ZNF226: variants seen among roughly 807,000 people sequenced by gnomAD.
ZNF226 encodes Kruppel-associated box protein.
In ZNF226, 6 loss-of-function variants were observed where a neutral mutation model predicts 11.4. The ratio of observed to expected loss-of-function variants is 0.53; its 90% CI spans 0.29 to 1.04. ZNF226 has a LOEUF of 1.04. Ranked by LOEUF, ZNF226 falls within the 50% of genes least tolerant of loss-of-function variation. ZNF226 has a pLI of 0.08. For missense variants in ZNF226, 1,058 were observed against 956.5 expected (o/e 1.11, Z -1.40); for synonymous variants, 350 against 322.8 (o/e 1.08, Z -0.90).
At chr19:44,181,978 A>G (rs756465357), downstream of ZNF226, among the ~76,000 whole-genome samples, 1 of 152,214 alleles carries the variant, frequency 6.6e-6, no homozygotes, top group Non-Finnish European at 1.5e-5. Context: ...TAGAAACCTG[A>G]GAAATAGATA....
Position 44,176,547 on chromosome 19 carries a change from A to T in ZNF226, c.1285A>T (p.Ile429Phe). ...ATGTGAGGAGTGTGGTAAGGGCTTC[A>T]TTTGTAGCTCAAATCTTTACATTCA... ...YKCEECGKGF[I>F]CSSNLYIHQR... is the part of the protein sequence containing the mutation. Residue 429 changes from isoleucine to phenylalanine, a missense_variant, in exon 6 of 6, where the codon ATT (isoleucine) becomes TTT (phenylalanine). By Grantham distance (21) the Ile-to-Phe change is conservative (BLOSUM62 0). Coordinates refer to ENST00000337433, the MANE Select transcript of ZNF226 (RefSeq NM_001032373.2). 6.2e-7 allele frequency: 1 copy of T among 1,614,218 alleles called. No homozygotes were observed. The highest frequency in any genetic ancestry group is 8.5e-7 in the Non-Finnish European group (1 of 1,180,032).
intron 5 of ZNF226, chr19:44,173,854 G>C (rs1970403334): frequency 6.6e-6 from 1 of 152,176 alleles, no homozygotes; most frequent in African/African-American, 2.4e-5. Context: ...TGTAAGCACT[G>C]ATTATCACCT....
intron 5 of ZNF226, chr19:44,173,180 C>T (rs192379913): frequency 1.4e-5 from 8 of 558,442 alleles, no homozygotes; most frequent in Non-Finnish European, 1.9e-5. Context: ...TTCTTCTGCT[C>T]AAAATTCTCT....
the ZNF226 span, among the ~76,000 whole-genome samples, chr19:44,198,192 A>G: frequency 6.6e-6 from 1 of 152,190 alleles, no homozygotes; most frequent in Admixed American, 6.5e-5. Context: ...TATATAGCAC[A>G]CTTTTAATTA....
chr19:44,176,481 C>G lies in ZNF226; in HGVS notation c.1219C>G (p.Gln407Glu), dbSNP rs1160125731. The G allele has an allele frequency of 1.2e-6, 2 of 1,614,024 alleles. No individual in the cohort carries two copies. Among genetic ancestry groups the G allele is most frequent in the Non-Finnish European group, 1.7e-6 (2 of 1,179,996 alleles). ...GKSFSRNSHL[Q>E]SHQRVHTGEK... ...GAGCTTCAGTCGGAATTCACATCTT[C>G]AATCCCATCAAAGAGTTCATACAGG... The change falls in exon 6 of 6, where the codon CAA becomes GAA. Residue 407 changes from glutamine (Q) to glutamate (E), a missense_variant. By Grantham distance (29) the Gln-to-Glu change is conservative. Transcript: ENST00000337433.
Position 44,172,083 on chromosome 19 carries a change from C to G in ZNF226, c.16-5C>G. The G allele has an allele frequency of 6.2e-7, 1 of 1,609,560 alleles. No homozygotes were observed. Among genetic ancestry groups the G allele is most frequent in the Non-Finnish European group, 8.5e-7 (1 of 1,177,124 alleles). On this transcript the variant is annotated splice_region_variant and splice_polypyrimidine_tract_variant and intron_variant, in intron 3 of 5. Coordinates refer to ENST00000337433, the MANE Select transcript of ZNF226 (RefSeq NM_001032373.2). ...TAAGATTGAGGTCATTTGTTTTTGT[C>G]GTAGGAAGCAGTGACCTTCAAGGAC...
At chr19:44,197,342 C>G in the ZNF226 span, among the ~76,000 whole-genome samples, 1 of 152,146 alleles carries the variant, frequency 6.6e-6, no homozygotes, top group Non-Finnish European at 1.5e-5. Context: ...TTACAAGGAC[C>G]GTGGTAGAGT....
At chr19:44,173,290 A>G (rs1970326234) in intron 5 of ZNF226, 1 of 378,030 alleles carries the variant, frequency 2.6e-6, no homozygotes, top group African/African-American at 2.1e-5. Context: ...TATATCTTCT[A>G]TACTCTCTTT....
At position 44,176,690 on chromosome 19, in the gene ZNF226, A is replaced by G. The variant is rs202111408; in HGVS notation, c.1428A>G (p.Ile476Met). The change falls in exon 6 of 6, where the codon ATA becomes ATG. Residue 476 changes from isoleucine (I) to methionine (M), a missense_variant. By Grantham distance (10) the Ile-to-Met change is conservative. Transcript: ENST00000337433. Reference protein sequence around the residue: ...QGVHTGEKSYICTVCGKGFTL... With the variant: ...QGVHTGEKSYMCTVCGKGFTL... Reference sequence around the variant, plus strand: ...TTCACACTGGAGAGAAGTCATACATATGTACTGTATGTGGGAAAGGCTTTA... The same window carrying G: ...TTCACACTGGAGAGAAGTCATACATGTGTACTGTATGTGGGAAAGGCTTTA... 2.2e-4 allele frequency: 354 copies of G among 1,613,642 alleles called. No homozygotes were observed. The highest frequency in any genetic ancestry group is 1.7e-4 in the Non-Finnish European group (203 of 1,179,944).
Position 44,176,620 on chromosome 19 carries a change from G to A in ZNF226, c.1358G>A (p.Gly453Asp). 6.2e-7 allele frequency: 1 copy of A among 1,614,174 alleles called. No individual in the cohort carries two copies. Among genetic ancestry groups the A allele is most frequent in the South Asian group, 1.1e-5 (1 of 91,086 alleles). ...AAACCCTATAAATGTGAGGAATGTG[G>A]TAAAGGCTTTAGTCGGCCTTCAAGT... ...GEKPYKCEEC[G>D]KGFSRPSSLQ... Residue 453 changes from glycine (G) to aspartate (D), a missense_variant, in exon 6 of 6, where the codon GGT becomes GAT. Physicochemically the swap from Gly to Asp is moderately conservative, Grantham distance 94. Transcript: ENST00000337433.
intron 4 of ZNF226, 172 bp from the exon 5 acceptor site, chr19:44,172,688 A>G (rs1353041069): frequency 1.7e-6 from 1 of 603,860 alleles, no homozygotes; most frequent in Non-Finnish European, 2.9e-6. Flanking sequence ...GTATTTACGC[A>G]TGTGTGTCTG....
intron 2 of ZNF226, among the ~76,000 whole-genome samples, chr19:44,167,310 T>G (rs1486069411): frequency 7.1e-6 from 1 of 141,816 alleles, no homozygotes; most frequent in Non-Finnish European, 1.5e-5. Context: ...CCTAATTTCT[T>G]TAACTTTTTT....
chr19:44,175,807 A>G lies in ZNF226; in HGVS notation c.545A>G (p.Gln182Arg). The G allele has an allele frequency of 6.2e-7, 1 of 1,613,846 alleles. No individual in the cohort carries two copies. The highest frequency in any genetic ancestry group is 8.5e-7 in the Non-Finnish European group (1 of 1,179,822). ...AGGAAAACATTCCTGACTGAGTCAC[A>G]GAGATTGAACAGAGATCAGCAAATT... ...SWRKTFLTES[Q>R]RLNRDQQISI... The change falls in exon 6 of 6, where the codon CAG becomes CGG. Residue 182 changes from glutamine (Q) to arginine (R), a missense_variant. Gln to Arg is a conservative substitution (Grantham distance 43, BLOSUM62 1). Coordinates refer to ENST00000337433, the MANE Select transcript of ZNF226 (RefSeq NM_001032373.2).
chr19:44,175,726 G>T lies in ZNF226; in HGVS notation c.464G>T (p.Gly155Val), dbSNP rs1472126730. The T allele has an allele frequency of 6.2e-6, 10 of 1,612,612 alleles. No individual in the cohort carries two copies. The East Asian group carries it at 1.6e-4, about 25-fold the overall frequency. ...DENYIVNKAD[G>V]PNNTGNPEFP... ...AACTATATAGTAAATAAAGCAGATGGTCCCAATAATACTGGGAATCCAGAG... is the reference window on the plus strand; with the variant it reads ...AACTATATAGTAAATAAAGCAGATGTTCCCAATAATACTGGGAATCCAGAG... Residue 155 changes from glycine (G) to valine (V), a missense_variant, in exon 6 of 6, where the codon GGT (glycine) becomes GTT (valine). Coordinates refer to ENST00000337433, the MANE Select transcript of ZNF226 (RefSeq NM_001032373.2).
downstream of ZNF226, among the ~76,000 whole-genome samples, chr19:44,180,858 T>TGA (rs1970896519): frequency 6.6e-6 from 1 of 152,202 alleles, no homozygotes; most frequent in Admixed American, 6.5e-5. Flanking sequence ...TTGATTCTCA[T>TGA]ATCTGCCCTT....
At position 44,173,402 on chromosome 19, in the gene ZNF226, C is replaced by CT. The variant is rs1246908281; in HGVS notation, c.235+454dup. The CT allele has an allele frequency of 6.4e-5, 13 of 204,366 alleles. No individual in the cohort carries two copies. In the East Asian group the frequency reaches 1.4e-3, roughly 22 times the overall value. The allele number at this position is 204,366 out of a possible 1,614,324, so 12.7% of individuals were successfully genotyped here. On this transcript the variant is annotated intron_variant, in intron 5 of 5. Transcript: ENST00000337433. ...TGTTCTTCCCTCTGCCTGAAATAAT[C>CT]TTTTACCTATAATCCTTCTGGTCCC...
the ZNF226 span, among the ~76,000 whole-genome samples, chr19:44,190,939 C>G: frequency 1.3e-5 from 2 of 152,196 alleles, no homozygotes; most frequent in South Asian, 4.1e-4. Context: ...TTGTTGTAAA[C>G]TATAGATAGC....
At chr19:44,192,746 A>C in the ZNF226 span, among the ~76,000 whole-genome samples, 338 of 152,330 alleles carry the variant, frequency 2.2e-3, 1 homozygote, top group African/African-American at 7.4e-3. Flanking sequence ...AACAGGAAAA[A>C]GCTGCAGTTC....
In ZNF226 at chr19:44,176,020, AG is replaced by A. The variant is rs780663840; in HGVS notation, c.759del (p.Gln253HisfsTer78). On this transcript the variant is annotated frameshift_variant, in exon 6 of 6. Coordinates refer to ENST00000337433, the MANE Select transcript of ZNF226 (RefSeq NM_001032373.2). LOFTEE classifies it low-confidence loss of function (END_TRUNC). Reference protein sequence around the residue: ...SMIHTGQKSYQCNECKKPFSD... With the variant: ...SMIHTGQKSYXCNECKKPFSD... ...ATTCACACAGGACAGAAATCGTACC[AG>A]TGTAATGAGTGTAAAAAACCCTTCA... The A allele has an allele frequency of 6.2e-7, 1 of 1,613,942 alleles. No individual in the cohort carries two copies. Among genetic ancestry groups the A allele is most frequent in the Non-Finnish European group, 8.5e-7 (1 of 1,179,890 alleles).
Sources: allele counts gnomAD v4.1 joint callset (sites outside exome capture counted in the v4.1 genomes callset), GRCh38; gene constraint gnomAD v4.1.1; transcripts MANE v1.5; gene names NCBI Gene and HGNC (gene_info 2026-07-23, HGNC 2026-07-21).